PACSIN2: variants seen among roughly 807,000 people sequenced by gnomAD.
The protein encoded by PACSIN2 is protein kinase C and casein kinase substrate in neurons protein 2.
PACSIN2 carries 25 observed loss-of-function variants against 63.8 expected under a neutral mutation model. The ratio of observed to expected loss-of-function variants is 0.39; its 90% CI spans 0.29 to 0.55. The LOEUF (loss-of-function observed/expected upper bound fraction) is 0.55. PACSIN2 is among the 20% of genes least tolerant of loss of function. The probability of loss-of-function intolerance (pLI) is 0.62; values close to 1 mark genes in which losing one functional copy is unlikely to be tolerated. For missense variants in PACSIN2, 518 were observed against 646.9 expected, an observed-to-expected ratio of 0.80 and a Z score of 2.16; for synonymous variants, 255 against 256.2, an observed-to-expected ratio of 1.00 and a Z score of 0.05.
chr22:42,940,777 A>G (rs1415196283), intron 1 of PACSIN2, among the ~76,000 whole-genome samples: 1 of 152,234 alleles, frequency 6.6e-6, no homozygotes, highest in Non-Finnish European at 1.5e-5. Context: ...ATACAAATGG[A>G]AAAGACCCAA....
chr22:42,982,753 T>C (rs1922271846), intron 1 of PACSIN2, among the ~76,000 whole-genome samples: 1 of 138,648 alleles, frequency 7.2e-6, no homozygotes, highest in Admixed American at 7.8e-5. Context: ...TGCAGGGTCC[T>C]CTGCCTAGGA....
intron 10 of PACSIN2, 120 bp downstream of exon 10, chr22:42,876,017 C>T: frequency 1.3e-6 from 1 of 794,258 alleles, no homozygotes; most frequent in Non-Finnish European, 2.0e-6. Flanking sequence ...GGGGAAGGGC[C>T]TGCAGTGACT....
intron 1 of PACSIN2, among the ~76,000 whole-genome samples, chr22:42,921,156 G>C (rs1445979539): frequency 6.6e-6 from 1 of 151,904 alleles, no homozygotes; most frequent in Non-Finnish European, 1.5e-5. Context: ...TCAGGAGATA[G>C]AGACCATCTT....
chr22:42,937,204 T>C (rs1031152433), intron 1 of PACSIN2, among the ~76,000 whole-genome samples: 5 of 152,174 alleles, frequency 3.3e-5, no homozygotes, highest in African/African-American at 1.2e-4. Flanking sequence ...GAAAGGAGAC[T>C]GCTTCTAAAC....
chr22:42,876,402 A>G lies in PACSIN2; in HGVS notation c.1152-69T>C, dbSNP rs1928634776. ...AGAGGGTGTGAGGCCCCCGCCCCGCAAGGGGAGGGCACTGGAGCCTTGGGG... is the reference window on the plus strand; with the variant it reads ...AGAGGGTGTGAGGCCCCCGCCCCGCGAGGGGAGGGCACTGGAGCCTTGGGG... On this transcript the variant is annotated intron_variant, in intron 9 of 10. Transcript: ENST00000263246. The G allele has an allele frequency of 5.8e-6, 8 of 1,374,614 alleles. No homozygotes were observed. In the East Asian group the frequency reaches 1.6e-4, roughly 28 times the overall value. The allele number at this position is 1,374,614 out of a possible 1,614,324, so 85.2% of individuals were successfully genotyped here.
chr22:42,875,306 C>G (rs139579146), intron 10 of PACSIN2, among the ~76,000 whole-genome samples: 1 of 152,204 alleles, frequency 6.6e-6, no homozygotes, highest in Non-Finnish European at 1.5e-5. Flanking sequence ...CCACGCCCAG[C>G]TAATCTGCTA....
chr22:43,008,891 T>C (rs1332470037), intron 1 of PACSIN2, among the ~76,000 whole-genome samples: 2 of 152,276 alleles, frequency 1.3e-5, no homozygotes, highest in Admixed American at 1.3e-4. Context: ...TTTAATGTAC[T>C]CTTTCATCAA....
rs777237331 is a variant in PACSIN2 at position 42,989,865 on chromosome 22, AAAAT to A, written c.-78+25152_-78+25155del. ...ACTCATTCTCTTGGAGGGGGAAAAA[AAAAT>A]ATATATATATATATATACACACACA... On this transcript the variant is annotated intron_variant, in intron 1 of 10. Coordinates refer to ENST00000263246, the MANE Select transcript of PACSIN2 (RefSeq NM_001184970.3). 5.5e-3 allele frequency among the ~76,000 whole-genome samples: 600 copies of A among 109,442 alleles called. 6 individuals carry two copies. Among genetic ancestry groups the A allele is most frequent in the Admixed American group, 8.3e-3 (85 of 10,214 alleles). 71.8% of individuals were successfully genotyped at this position (109,442 alleles called of 152,430 possible).
chr22:42,984,122 C>T (rs57361433), intron 1 of PACSIN2, among the ~76,000 whole-genome samples: 2,587 of 152,044 alleles, frequency 0.017, 83 homozygotes, highest in African/African-American at 0.059. Context: ...AGGTGTGCAC[C>T]ACCACATCTG....
intron 1 of PACSIN2, among the ~76,000 whole-genome samples, chr22:43,006,763 C>T (rs561652047): frequency 2.0e-4 from 31 of 152,106 alleles, no homozygotes; most frequent in Middle Eastern, 3.4e-3. Flanking sequence ...TGCAGTGAGC[C>T]GAAATCGCAC....
chr22:42,958,629 A>AT (rs1267232216), intron 1 of PACSIN2, among the ~76,000 whole-genome samples: 3 of 152,330 alleles, frequency 2.0e-5, no homozygotes, highest in South Asian at 4.1e-4. Flanking sequence ...GATGGGCCCG[A>AT]TTAAGGTCGG....
chr22:42,973,858 G>A (rs925293220), intron 1 of PACSIN2, among the ~76,000 whole-genome samples: 2 of 152,258 alleles, frequency 1.3e-5, no homozygotes, highest in African/African-American at 4.8e-5. Flanking sequence ...AAGAGGAAAA[G>A]AGAAAAGCCC....
chr22:42,882,398 T>G, intron 6 of PACSIN2, 94 bp from the exon 7 acceptor site: 4 of 1,405,824 alleles, frequency 2.8e-6, no homozygotes, highest in African/African-American at 1.4e-5. Context: ...CCGTGGTCTC[T>G]GCCCTCTGTG....
Position 42,879,052 on chromosome 22 carries a change from T to C in PACSIN2, c.1024A>G (p.Ser342Gly). The change falls in exon 8 of 11, where the codon AGC becomes GGC. Residue 342 changes from serine to glycine, a missense_variant. Around this residue, in one of 2 missense-constraint regions of PACSIN2, gnomAD observed 507 missense variants for 612.3 expected, o/e 0.83. Coordinates refer to ENST00000263246, the MANE Select transcript of PACSIN2 (RefSeq NM_001184970.3). ...ATGGAGGTGGCGCCCACTCACCTGCTGGGCTTACTCGGCAGAGACTGGTCG... is the reference window on the plus strand; with the variant it reads ...ATGGAGGTGGCGCCCACTCACCTGCCGGGCTTACTCGGCAGAGACTGGTCG... The part of the protein sequence containing the change: ...TGDQSLPSKP[S>G]STLNVPSNPA... 1 of 1,613,644 alleles carries C rather than the reference T, an allele frequency of 6.2e-7. No individual in the cohort carries two copies. Among genetic ancestry groups the C allele is most frequent in the African/African-American group, 1.3e-5 (1 of 75,046 alleles).
Position 42,981,567 on chromosome 22 carries a change from G to A in PACSIN2, c.-78+33454C>T, listed in dbSNP as rs1305458252. Among the ~76,000 whole-genome samples the A allele has an allele frequency of 1.0e-3, 122 of 121,998 alleles. 1 individual carries two copies. Among genetic ancestry groups the A allele is most frequent in the African/African-American group, 3.8e-3 (117 of 30,904 alleles). The allele number at this position is 121,998 out of a possible 152,430, so 80.0% of individuals were successfully genotyped here. A position where few individuals can be genotyped will look rare whatever the true frequency, so the allele number is the denominator to read the frequency against. On this transcript the variant is annotated intron_variant, in intron 1 of 10. Coordinates refer to ENST00000263246, the MANE Select transcript of PACSIN2 (RefSeq NM_001184970.3). ...CGGCCGGCCGCCCCGTCCGGGAGGTGAGGGGCGCCTCTGCCCGGCTGCCCC... is the reference window on the plus strand; with the variant it reads ...CGGCCGGCCGCCCCGTCCGGGAGGTAAGGGGCGCCTCTGCCCGGCTGCCCC...
intron 1 of PACSIN2, among the ~76,000 whole-genome samples, chr22:42,919,247 C>T (rs1342387848): frequency 1.3e-5 from 2 of 152,300 alleles, no homozygotes; most frequent in East Asian, 3.9e-4. Context: ...AGCTATTTGT[C>T]CCCTCTGAGA....
At chr22:43,012,637 C>T (rs1924577208) in intron 1 of PACSIN2, among the ~76,000 whole-genome samples, 1 of 151,908 alleles carries the variant, frequency 6.6e-6, no homozygotes, top group Non-Finnish European at 1.5e-5. Flanking sequence ...CACGTGTGCA[C>T]CACTACGCCA....
intron 6 of PACSIN2, among the ~76,000 whole-genome samples, chr22:42,883,909 C>T (rs1929269463): frequency 1.3e-5 from 2 of 151,986 alleles, no homozygotes; most frequent in South Asian, 2.1e-4. Flanking sequence ...GAGGCTGAGG[C>T]AGGAGAACTG....
chr22:42,997,698 T>C (rs1296046734), intron 1 of PACSIN2, among the ~76,000 whole-genome samples: 1 of 151,892 alleles, frequency 6.6e-6, no homozygotes, highest in African/African-American at 2.4e-5. Context: ...AAATATAAGA[T>C]CCAAATACAG....
Sources: gnomAD v4.1 joint callset for allele counts (sites outside exome capture counted in the v4.1 genomes callset) on GRCh38, gnomAD v4.1.1 for gene constraint, gnomAD v4.1.1 regional missense constraint, MANE v1.5 for transcripts, NCBI Gene and HGNC (gene_info 2026-07-23, HGNC 2026-07-21) for gene names.